Variants in SLC26A5 observed in about 807,000 individuals in gnomAD.
The protein encoded by SLC26A5 is prestin.
In SLC26A5, 51 loss-of-function variants were observed where a neutral mutation model predicts 81.0. The observed-to-expected ratio is 0.63, with a 90% CI of 0.50 to 0.80. The LOEUF is 0.80. SLC26A5 is among the 30% of genes least tolerant of loss of function. The probability of loss-of-function intolerance (pLI) is 0.00; values close to 1 mark genes in which losing one functional copy is unlikely to be tolerated. For missense variants in SLC26A5, 771 were observed against 905.8 expected (o/e 0.85, Z 1.91); for synonymous variants, 325 against 332.8 (o/e 0.98, Z 0.25).
chr7:103,379,483 CA>C (rs375313152), intron 15 of SLC26A5, 148 bp from the exon 16 acceptor site: 43,944 of 292,486 alleles, frequency 0.15, no homozygotes, highest in Middle Eastern at 0.19. Context: ...ACACACAGAC[CA>C]AAAAAAAAAA....
intron 2 of SLC26A5, among the ~76,000 whole-genome samples, chr7:103,426,260 T>C (rs942659339): frequency 1.6e-4 from 25 of 152,160 alleles, no homozygotes; most frequent in Non-Finnish European, 2.8e-4. Flanking sequence ...AACCATTTCA[T>C]TGTGGGTTTC....
chr7:103,374,018 C>A (rs1321871452), downstream of SLC26A5, among the ~76,000 whole-genome samples: 1 of 152,006 alleles, frequency 6.6e-6, no homozygotes, highest in Non-Finnish European at 1.5e-5. Flanking sequence ...TGTAGACCAA[C>A]AAGTACAAAA....
intron 8 of SLC26A5, among the ~76,000 whole-genome samples, chr7:103,406,159 C>T (rs140871185): frequency 1.5e-3 from 222 of 152,288 alleles, no homozygotes; most frequent in African/African-American, 5.2e-3. Context: ...TGGCTCCCTG[C>T]CTTTAGCCCC....
chr7:103,358,938 C>A (rs1373147062), intron 19 of SLC26A5, among the ~76,000 whole-genome samples: 3 of 150,760 alleles, frequency 2.0e-5, no homozygotes, highest in Non-Finnish European at 4.4e-5. Context: ...ATACTCTTTG[C>A]TTAAAACTCT....
intron 4 of SLC26A5, among the ~76,000 whole-genome samples, chr7:103,413,570 A>G (rs1180498838): frequency 6.6e-6 from 1 of 152,102 alleles, no homozygotes; most frequent in Admixed American, 6.6e-5. Context: ...CTCTTATCAG[A>G]AGGTACAGCC....
intron 2 of SLC26A5, among the ~76,000 whole-genome samples, chr7:103,423,227 G>A (rs1369894847): frequency 2.0e-5 from 3 of 152,132 alleles, no homozygotes; most frequent in South Asian, 4.2e-4. Flanking sequence ...AGCTGAGATC[G>A]CGCCATTGTA....
intron 9 of SLC26A5, 26 bp downstream of exon 9, chr7:103,397,906 A>G: frequency 6.6e-7 from 1 of 1,516,998 alleles, no homozygotes; most frequent in Admixed American, 1.7e-5. Flanking sequence ...TTTCAGTCAC[A>G]CAGTTACTTA....
At chr7:103,403,047 G>C (rs1823736287) in intron 8 of SLC26A5, among the ~76,000 whole-genome samples, 1 of 152,160 alleles carries the variant, frequency 6.6e-6, no homozygotes, top group Admixed American at 6.5e-5. Context: ...TGTTTTAGCT[G>C]TGTCCCAGAG....
At chr7:103,373,997 T>A (rs1483379887), downstream of SLC26A5, among the ~76,000 whole-genome samples, 1 of 152,164 alleles carries the variant, frequency 6.6e-6, no homozygotes, top group East Asian at 1.9e-4. Flanking sequence ...GATAACTGAT[T>A]ATAGACAGTC....
At chr7:103,360,839 C>T (rs1301352483) in intron 19 of SLC26A5, among the ~76,000 whole-genome samples, 2 of 152,180 alleles carry the variant, frequency 1.3e-5, no homozygotes, top group African/African-American at 4.8e-5. Context: ...TGGCCGGGTG[C>T]AATGGCTCAC....
chr7:103,408,364 T>A (rs1824223353), intron 7 of SLC26A5, among the ~76,000 whole-genome samples: 1 of 152,066 alleles, frequency 6.6e-6, no homozygotes, highest in South Asian at 2.1e-4. Context: ...GTAGCTGGGA[T>A]TACAGGTGCC....
At chr7:103,439,620 G>A (rs997488709) in intron 2 of SLC26A5, among the ~76,000 whole-genome samples, 3 of 152,080 alleles carry the variant, frequency 2.0e-5, no homozygotes, top group African/African-American at 7.2e-5. Context: ...TGCAACATCT[G>A]CTTCCCAGGT....
chr7:103,417,141 G>T (rs2116694291), intron 4 of SLC26A5, among the ~76,000 whole-genome samples: 2 of 152,118 alleles, frequency 1.3e-5, no homozygotes, highest in South Asian at 4.1e-4. Flanking sequence ...GGAGGCCGAG[G>T]CGGGTGGATC....
chr7:103,388,693 G>A, intron 14 of SLC26A5: 1 of 361,600 alleles, frequency 2.8e-6, no homozygotes, highest in Non-Finnish European at 5.4e-6. Context: ...CAAATCACAA[G>A]AGGATAAATA....
At chr7:103,385,160 T>C (rs1393360040) in intron 14 of SLC26A5, among the ~76,000 whole-genome samples, 1 of 151,582 alleles carries the variant, frequency 6.6e-6, no homozygotes. Flanking sequence ...TGTCTCTTTG[T>C]TGTTGTTGTT....
intron 19 of SLC26A5, among the ~76,000 whole-genome samples, chr7:103,363,813 A>G (rs1467014118): frequency 6.6e-6 from 1 of 152,210 alleles, no homozygotes; most frequent in Admixed American, 6.5e-5. Flanking sequence ...GAAAACTAGG[A>G]TACTGAATAC....
intron 2 of SLC26A5, among the ~76,000 whole-genome samples, chr7:103,425,346 T>C (rs1411533005): frequency 1.3e-5 from 2 of 152,132 alleles, no homozygotes; most frequent in African/African-American, 4.8e-5. Flanking sequence ...CACTAATGCT[T>C]AGGATCCACA....
chr7:103,395,291 T>C (rs1265588815), intron 9 of SLC26A5, among the ~76,000 whole-genome samples: 2 of 151,322 alleles, frequency 1.3e-5, no homozygotes, highest in African/African-American at 4.9e-5. Flanking sequence ...TTGGGCAATG[T>C]TCCAGAAAGA....
intron 1 of SLC26A5, among the ~76,000 whole-genome samples, chr7:103,444,519 T>C (rs1827129855): frequency 6.6e-6 from 1 of 152,230 alleles, no homozygotes; most frequent in Admixed American, 6.5e-5. Context: ...AGGCAATCCA[T>C]TGATTGTTAG....
Sources: allele counts gnomAD v4.1 joint callset (sites outside exome capture counted in the v4.1 genomes callset), GRCh38; gene constraint gnomAD v4.1.1; transcripts MANE v1.5; gene names NCBI Gene and HGNC (gene_info 2026-07-23, HGNC 2026-07-21).